STOX2: variants seen among roughly 807,000 people sequenced by gnomAD.
The protein encoded by STOX2 is storkhead box 2, also known as storkhead-box protein 2.
A neutral mutation model predicts 60.9 loss-of-function variants in STOX2; 28 were observed. The ratio of observed to expected loss-of-function variants is 0.46; its 90% CI spans 0.34 to 0.63. STOX2 has a LOEUF of 0.63. Among genes scored for constraint, STOX2 ranks in the 30% least tolerant of loss-of-function variants. STOX2 has a pLI of 0.01. For synonymous variants in STOX2, 472 were observed against 463.9 expected (o/e 1.02, Z -0.22); for missense variants, 1,024 against 1,187.7 (o/e 0.86, Z 2.03).
chr4:183,865,991 C>G lies in STOX2; in HGVS notation c.364+67936C>G, dbSNP rs924148733. On this transcript the variant is annotated intron_variant, in intron 1 of 2. Coordinates refer to the STOX2 transcript ENST00000513034. The surrounding 1 kb of genome is among the most constrained non-coding windows in gnomAD (Gnocchi z 4.1). ...ACAGGTGAATAAAATGAGGGTTCCACTGAGATTGTCATGGATCTAATGATC... is the reference window on the plus strand; with the variant it reads ...ACAGGTGAATAAAATGAGGGTTCCAGTGAGATTGTCATGGATCTAATGATC... Among the ~76,000 whole-genome samples the G allele has an allele frequency of 1.3e-5, 2 of 152,148 alleles. No individual in the cohort carries two copies. The highest frequency in any genetic ancestry group is 2.4e-5 in the African/African-American group (1 of 41,422).
chr4:183,993,764 C>A (rs1305489538), intron 1 of STOX2, among the ~76,000 whole-genome samples: 1 of 152,088 alleles, frequency 6.6e-6, no homozygotes, highest in Non-Finnish European at 1.5e-5. Flanking sequence ...CTTTTCATTG[C>A]CAGTTTTCTT....
At chr4:183,920,258 T>C (rs1742064892) in intron 1 of STOX2, among the ~76,000 whole-genome samples, 3 of 152,032 alleles carry the variant, frequency 2.0e-5, no homozygotes, top group Admixed American at 2.0e-4. Context: ...TGGGATGGCC[T>C]GCCACCACGG....
chr4:183,865,291 C>T lies in STOX2; in HGVS notation c.364+67236C>T, dbSNP rs1429516322. ...TTTGAAATCTGATTATTTATTCTCTCTCTTCTTAGATACTCGGTTTTAAAG... is the reference window on the plus strand; with the variant it reads ...TTTGAAATCTGATTATTTATTCTCTTTCTTCTTAGATACTCGGTTTTAAAG... On this transcript the variant is annotated intron_variant, in intron 1 of 2. Transcript: ENST00000513034. This position sits in a 1 kb window ranked among gnomAD's most constrained non-coding sequence, Gnocchi z 4.1. Among the ~76,000 whole-genome samples, 1 of 152,166 alleles carries T rather than the reference C, an allele frequency of 6.6e-6. No individual in the cohort carries two copies. Among genetic ancestry groups the T allele is most frequent in the Non-Finnish European group, 1.5e-5 (1 of 68,024 alleles).
intron 1 of STOX2, among the ~76,000 whole-genome samples, chr4:183,820,093 T>C (rs948212651): frequency 3.3e-5 from 5 of 152,176 alleles, no homozygotes; most frequent in Admixed American, 2.6e-4. Context: ...AAATCCTGAC[T>C]TTTTCTTTTT....
rs1286098376 is a variant in STOX2, at chr4:184,022,087, T to C, written c.*4803T>C. ...AAAACACTGTTTTGCTTTGGGTTAG[T>C]AAAATGTGGGCAGGACAAAGATTAC... On this transcript the variant is annotated 3_prime_UTR_variant, in exon 4 of 4. Transcript: ENST00000308497. 2.6e-5 allele frequency: 4 copies of C among 152,172 alleles called. No individual in the cohort carries two copies. Among genetic ancestry groups the C allele is most frequent in the African/African-American group, 7.2e-5 (3 of 41,442 alleles). 9.4% of individuals were successfully genotyped at this position (152,172 alleles called of 1,614,324 possible).
chr4:183,987,697 CGCTGCCCGGGCT>C (rs1257529897), intron 1 of STOX2: 2 of 152,310 alleles, frequency 1.3e-5, no homozygotes, highest in Middle Eastern at 3.4e-3. Context: ...TGAGCTCCAC[CGCTGCCCGGGCT>C]GCGAGCCTGA....
At chr4:184,007,024 A>C (rs1269553026) in intron 2 of STOX2, among the ~76,000 whole-genome samples, 3 of 128,402 alleles carry the variant, frequency 2.3e-5, no homozygotes, top group African/African-American at 1.1e-4. Context: ...TCAAAAAAAA[A>C]AAAAAAAACA....
Position 184,001,533 on chromosome 4 carries a change from G to C in STOX2, c.319+56G>C. ...GTGGCGGTGTGCTGTGGTCGCTCTA[G>C]GACTCACGTGGACTGTTCTGCCCAT... On this transcript the variant is annotated intron_variant, in intron 2 of 3. Coordinates refer to ENST00000308497, the MANE Select transcript of STOX2 (RefSeq NM_020225.3). This position sits in a 1 kb window ranked among gnomAD's most constrained non-coding sequence, Gnocchi z 4.2. The C allele has an allele frequency of 2.6e-6, 4 of 1,528,834 alleles. No individual in the cohort carries two copies. Among genetic ancestry groups the C allele is most frequent in the Non-Finnish European group, 3.6e-6 (4 of 1,113,632 alleles). The allele number at this position is 1,528,834 out of a possible 1,614,324, so 94.7% of individuals were successfully genotyped here.
At chr4:183,920,529 T>C (rs1312479739) in intron 1 of STOX2, among the ~76,000 whole-genome samples, 3 of 152,226 alleles carry the variant, frequency 2.0e-5, no homozygotes, top group Non-Finnish European at 4.4e-5. Flanking sequence ...ATTTTAGGGC[T>C]CCTTGCATAT....
intron 1 of STOX2, among the ~76,000 whole-genome samples, chr4:183,908,983 C>T (rs1408501500): frequency 6.6e-6 from 1 of 152,046 alleles, no homozygotes; most frequent in African/African-American, 2.4e-5. Context: ...CGGTTCTTGC[C>T]CAGGGAGGGA....
At chr4:183,957,660 G>A (rs768035074) in intron 1 of STOX2, among the ~76,000 whole-genome samples, 23 of 152,164 alleles carry the variant, frequency 1.5e-4, no homozygotes, top group African/African-American at 3.6e-4. Context: ...TCTTGTCCCC[G>A]TGTCTTTTGA....
intron 1 of STOX2, among the ~76,000 whole-genome samples, chr4:183,898,538 T>G (rs959612443): frequency 6.6e-6 from 1 of 152,112 alleles, no homozygotes; most frequent in Non-Finnish European, 1.5e-5. Context: ...TGAGAGTTAT[T>G]TGGAAATCAT....
At chr4:183,812,849 C>T (rs1360278115) in intron 1 of STOX2, among the ~76,000 whole-genome samples, 1 of 152,070 alleles carries the variant, frequency 6.6e-6, no homozygotes, top group Non-Finnish European at 1.5e-5. Context: ...TTTAATTTTC[C>T]AAGTATGTAG....
chr4:183,959,340 T>G (rs1172413616), intron 1 of STOX2, among the ~76,000 whole-genome samples: 6 of 150,214 alleles, frequency 4.0e-5, no homozygotes, highest in South Asian at 2.1e-4. Flanking sequence ...GAAGGGGGGG[T>G]TTTCAAAAAG....
intron 1 of STOX2, among the ~76,000 whole-genome samples, chr4:183,805,392 A>G (rs527307395): frequency 6.6e-6 from 1 of 152,362 alleles, no homozygotes; most frequent in East Asian, 1.9e-4. Flanking sequence ...CTCAATGAGG[A>G]ATAAATAGAT....
intron 1 of STOX2, among the ~76,000 whole-genome samples, chr4:183,936,524 A>G (rs865942478): frequency 5.3e-5 from 8 of 152,076 alleles, no homozygotes; most frequent in East Asian, 1.9e-4. Flanking sequence ...AAGTTGCTCA[A>G]AATTGGAATA....
chr4:183,976,428 C>T (rs1354680977), intron 1 of STOX2, among the ~76,000 whole-genome samples: 5 of 152,022 alleles, frequency 3.3e-5, no homozygotes, highest in Admixed American at 3.3e-4. Flanking sequence ...TGACAAAATT[C>T]AACATACATT....
At position 183,809,742 on chromosome 4, in the gene STOX2, A is replaced by G. The variant is rs572615059; in HGVS notation, c.364+11687A>G. On this transcript the variant is annotated intron_variant, in intron 1 of 2. Coordinates refer to the STOX2 transcript ENST00000513034. ...CAACTCTCCACTTTTGGAGAAATACAGAGATTTGTGTTTTGATTATGTACT... is the reference window on the plus strand; with the variant it reads ...CAACTCTCCACTTTTGGAGAAATACGGAGATTTGTGTTTTGATTATGTACT... Among the ~76,000 whole-genome samples, 5 of 152,302 alleles carry G rather than the reference A, an allele frequency of 3.3e-5. No homozygotes were observed. In the South Asian group the frequency reaches 1.0e-3, roughly 32 times the overall value.
intron 1 of STOX2, among the ~76,000 whole-genome samples, chr4:183,986,436 C>T (rs1732845777): frequency 1.3e-5 from 2 of 152,196 alleles, no homozygotes; most frequent in South Asian, 2.1e-4. Context: ...GAAATGGATA[C>T]GCCAGACCAG....
Sources: allele counts gnomAD v4.1 joint callset (sites outside exome capture counted in the v4.1 genomes callset), GRCh38; gene constraint gnomAD v4.1.1; non-coding constraint Gnocchi (gnomAD v3.1); transcripts MANE v1.5; gene names NCBI Gene and HGNC (gene_info 2026-07-23, HGNC 2026-07-21).